Variants in UGGT2 observed in about 807,000 individuals in gnomAD.
UGGT2 encodes the protein UDP-glucose:glycoprotein glucosyltransferase 2.
A neutral mutation model predicts 192.1 loss-of-function variants in UGGT2; 180 were observed. That is an observed-to-expected ratio of 0.94 (90% CI 0.83 to 1.06). UGGT2 has a LOEUF of 1.06. Among genes scored for constraint, UGGT2 ranks in the 50% least tolerant of loss-of-function variants. The pLI, the probability that UGGT2 is intolerant of heterozygous loss-of-function variation, is 0.00. For missense variants in UGGT2, 1,849 were observed against 1,795.7 expected, an observed-to-expected ratio of 1.03 and a Z score of -0.54; for synonymous variants, 580 against 591.0, an observed-to-expected ratio of 0.98 and a Z score of 0.27.
At chr13:95,929,706 G>A (rs1163452702) in intron 17 of UGGT2, among the ~76,000 whole-genome samples, 1 of 152,166 alleles carries the variant, frequency 6.6e-6, no homozygotes, top group African/African-American at 2.4e-5. Context: ...GGACACCTAG[G>A]CTGATTCTAC....
chr13:95,985,223 T>C (rs893339636), intron 9 of UGGT2: 3 of 1,125,114 alleles, frequency 2.7e-6, no homozygotes, highest in Non-Finnish European at 3.5e-6. Context: ...TAAACAGATA[T>C]GACATTTATA....
chr13:95,805,337 C>A (rs1884252781), intron 38 of UGGT2, among the ~76,000 whole-genome samples: 1 of 151,136 alleles, frequency 6.6e-6, no homozygotes, highest in Non-Finnish European at 1.5e-5. Context: ...CTCTTTTGCA[C>A]TGTTGATGGG....
chr13:96,046,867 A>G (rs2053328239), intron 1 of UGGT2, among the ~76,000 whole-genome samples: 1 of 152,172 alleles, frequency 6.6e-6, no homozygotes, highest in Non-Finnish European at 1.5e-5. Context: ...AGCCTCCCTC[A>G]TTGCTAGCAC....
chr13:95,828,802 C>T lies in UGGT2; in HGVS notation c.4528+4125G>A, dbSNP rs1448396628. 3.3e-5 allele frequency among the ~76,000 whole-genome samples: 5 copies of T among 152,120 alleles called. No homozygotes were observed. In the South Asian group the frequency reaches 6.2e-4, roughly 19 times the overall value. ...CCAATTAATAGAAAAAGAGGGAATCCTCCCTAACTCAATTTATGAGGACAG... is the reference window on the plus strand; with the variant it reads ...CCAATTAATAGAAAAAGAGGGAATCTTCCCTAACTCAATTTATGAGGACAG... On this transcript the variant is annotated intron_variant, in intron 38 of 38. Transcript: ENST00000376747.
chr13:96,046,053 T>C (rs1056693233), intron 1 of UGGT2, among the ~76,000 whole-genome samples: 1 of 151,886 alleles, frequency 6.6e-6, no homozygotes, highest in Non-Finnish European at 1.5e-5. Context: ...AAAGAATAAA[T>C]CTGGAGGAAT....
At chr13:95,941,524 A>G (rs1165123094) in intron 15 of UGGT2, among the ~76,000 whole-genome samples, 1 of 152,214 alleles carries the variant, frequency 6.6e-6, no homozygotes, top group Non-Finnish European at 1.5e-5. Context: ...TTTGTAAAAC[A>G]TAAATGGAGA....
At chr13:95,962,848 A>G (rs1473047244) in intron 12 of UGGT2, among the ~76,000 whole-genome samples, 14 of 152,160 alleles carry the variant, frequency 9.2e-5, no homozygotes, top group Admixed American at 3.3e-4. Context: ...AAGGGTTCAA[A>G]GGACTTACAG....
chr13:95,944,527 T>C (rs1246691743), intron 15 of UGGT2, among the ~76,000 whole-genome samples: 1 of 152,048 alleles, frequency 6.6e-6, no homozygotes, highest in Non-Finnish European at 1.5e-5. Flanking sequence ...TGGAAGTTTA[T>C]ACCTGGTGTG....
At chr13:95,845,612 C>A (rs1888332597) in intron 36 of UGGT2, among the ~76,000 whole-genome samples, 1 of 151,810 alleles carries the variant, frequency 6.6e-6, no homozygotes, top group Admixed American at 6.6e-5. Context: ...CTTTCTTTTC[C>A]CCACATTTCC....
At chr13:95,934,636 T>C (rs1277115404) in intron 17 of UGGT2, among the ~76,000 whole-genome samples, 1 of 152,160 alleles carries the variant, frequency 6.6e-6, no homozygotes, top group East Asian at 1.9e-4. Context: ...CTCAGCCTTT[T>C]GAGTAGCTGG....
intron 20 of UGGT2, among the ~76,000 whole-genome samples, chr13:95,910,519 A>T (rs1334865817): frequency 6.6e-6 from 1 of 152,248 alleles, no homozygotes; most frequent in Non-Finnish European, 1.5e-5. Flanking sequence ...TAAACGGATG[A>T]ATTGAACAAG....
intron 27 of UGGT2, among the ~76,000 whole-genome samples, chr13:95,878,505 T>A (rs1025986278): frequency 2.0e-5 from 3 of 152,184 alleles, no homozygotes; most frequent in African/African-American, 7.2e-5. Context: ...ATAAATATCA[T>A]TTTAAATGGC....
chr13:95,859,821 G>A (rs1319932387), intron 32 of UGGT2, 146 bp from the exon 33 acceptor site: 2 of 522,736 alleles, frequency 3.8e-6, no homozygotes, highest in Non-Finnish European at 6.6e-6. Context: ...GAACATACAG[G>A]TTTGTTACAT....
chr13:95,974,258 C>T (rs368284150), intron 10 of UGGT2, among the ~76,000 whole-genome samples: 1 of 152,154 alleles, frequency 6.6e-6, no homozygotes, highest in East Asian at 1.9e-4. Flanking sequence ...ATGTGCCTAT[C>T]AAAGTTAATT....
At chr13:95,907,442 C>T (rs1391078988) in intron 20 of UGGT2, among the ~76,000 whole-genome samples, 1 of 91,122 alleles carries the variant, frequency 1.1e-5, no homozygotes, top group Non-Finnish European at 2.2e-5. Context: ...TGAGAATGGA[C>T]AGACTGCCTC....
rs139289938 is a variant in UGGT2 at position 95,937,548 on chromosome 13, A to G, written c.1813-460T>C. 9.8e-5 allele frequency among the ~76,000 whole-genome samples: 15 copies of G among 152,330 alleles called. 1 individual carries two copies. The highest frequency in any genetic ancestry group is 3.4e-4 in the African/African-American group (14 of 41,566). The stretch of plus-strand genomic sequence containing the variant: ...GTATTTATATGTTCAATAAACACTT[A>G]TTCAATCCTGCCACCTGCATTAGGC... On this transcript the variant is annotated intron_variant, in intron 16 of 38. Coordinates refer to ENST00000376747, the MANE Select transcript of UGGT2 (RefSeq NM_020121.4).
intron 20 of UGGT2, among the ~76,000 whole-genome samples, chr13:95,912,779 A>T (rs2048545829): frequency 6.6e-6 from 1 of 152,216 alleles, no homozygotes; most frequent in African/African-American, 2.4e-5. Context: ...TGCATTGCCA[A>T]GACAATCCTA....
At chr13:96,030,992 T>A (rs959556299) in intron 2 of UGGT2, among the ~76,000 whole-genome samples, 2 of 152,194 alleles carry the variant, frequency 1.3e-5, no homozygotes, top group Non-Finnish European at 2.9e-5. Context: ...TATACATTAG[T>A]CCAAACCCAT....
chr13:96,028,218 G>T (rs754779364), intron 2 of UGGT2, among the ~76,000 whole-genome samples: 9 of 152,048 alleles, frequency 5.9e-5, no homozygotes, highest in Non-Finnish European at 8.8e-5. Context: ...TTTATATTTG[G>T]ATATTTCACA....
Sources: allele counts gnomAD v4.1 joint callset (sites outside exome capture counted in the v4.1 genomes callset), GRCh38; gene constraint gnomAD v4.1.1; transcripts MANE v1.5; gene names NCBI Gene and HGNC (gene_info 2026-07-23, HGNC 2026-07-21).